The following IFT27 variants were observed in gnomAD, a reference collection of about 807,000 sequenced individuals.
IFT27 encodes the protein intraflagellar transport protein 27 homolog.
A neutral mutation model predicts 23.9 loss-of-function variants in IFT27; 19 were observed. That is an observed-to-expected ratio of 0.79 (90% CI 0.55 to 1.16). The LOEUF (loss-of-function observed/expected upper bound fraction) is 1.16, where lower values mean the gene tolerates loss of function less well. Ranked by LOEUF, IFT27 falls within the 50% of genes most tolerant of loss-of-function variation. IFT27 has a pLI of 0.00. For missense variants in IFT27, 206 were observed against 228.7 expected (o/e 0.90, Z 0.64); for synonymous variants, 91 against 89.1 (o/e 1.02, Z -0.12).
rs773667230 is a variant in IFT27 at position 36,762,866 on chromosome 22, A to C, written c.462+38T>G. ...GCAAGACCGCTGCCAGCAGAGGCCC[A>C]CTCCAGACTTGGCGACGAGGCAAGT... On this transcript the variant is annotated intron_variant, in intron 6 of 6. Coordinates refer to ENST00000433985, the MANE Select transcript of IFT27 (RefSeq NM_001177701.3). The C allele has an allele frequency of 4.4e-5, 61 of 1,387,270 alleles. 1 individual carries two copies. In the Admixed American group the frequency reaches 1.1e-3, roughly 26 times the overall value. 85.9% of individuals were successfully genotyped at this position (1,387,270 alleles called of 1,614,324 possible). A position where few individuals can be genotyped will look rare whatever the true frequency, so the allele number is the denominator to read the frequency against.
intron 1 of IFT27, chr22:36,772,413 G>A: frequency 6.7e-6 from 5 of 747,208 alleles, no homozygotes; most frequent in Non-Finnish European, 8.2e-6. Context: ...GAATTGTTAT[G>A]AGGATTTAAT....
chr22:36,767,938 G>A (rs2054996222), intron 1 of IFT27, 76 bp from the exon 2 acceptor site: 2 of 1,324,182 alleles, frequency 1.5e-6, no homozygotes, highest in African/African-American at 1.4e-5. Context: ...CAGAACATTA[G>A]TCTAGAAACC....
intron 3 of IFT27, 150 bp downstream of exon 3, chr22:36,767,156 T>C: frequency 3.4e-6 from 2 of 593,684 alleles, no homozygotes; most frequent in Non-Finnish European, 6.1e-6. Context: ...GTCCCTCCCT[T>C]GAATGCTTCC....
chr22:36,767,205 A>G, intron 3 of IFT27, 101 bp downstream of exon 3: 2 of 898,366 alleles, frequency 2.2e-6, no homozygotes, highest in Non-Finnish European at 3.6e-6. Context: ...TCTAGACCAC[A>G]GCCTTGCACT....
chr22:36,762,696 G>A (rs1202365340), intron 6 of IFT27: 2 of 410,334 alleles, frequency 4.9e-6, no homozygotes, highest in Non-Finnish European at 8.9e-6. Context: ...CCTTTTCCCA[G>A]GGTTGGCTGG....
At chr22:36,772,619 T>C (rs1276933638) in intron 1 of IFT27, 17 of 985,360 alleles carry the variant, frequency 1.7e-5, no homozygotes, top group Non-Finnish European at 2.0e-5. Flanking sequence ...TGTTAGAACG[T>C]ATCACACGCA....
intron 1 of IFT27, among the ~76,000 whole-genome samples, chr22:36,770,380 CGA>C (rs1938362110): frequency 1.3e-5 from 2 of 152,114 alleles, no homozygotes; most frequent in Admixed American, 1.3e-4. Context: ...CTCTGCCCCC[CGA>C]GTGTGGGCAT....
intron 4 of IFT27, among the ~76,000 whole-genome samples, chr22:36,764,575 T>G (rs997740283): frequency 6.6e-6 from 1 of 152,238 alleles, no homozygotes; most frequent in Non-Finnish European, 1.5e-5. Context: ...TGAAAGAAGA[T>G]TCTTTCTTCA....
intron 5 of IFT27, 31 bp from the exon 6 acceptor site, chr22:36,763,044 C>A: frequency 6.7e-7 from 1 of 1,500,546 alleles, no homozygotes; most frequent in Non-Finnish European, 9.2e-7. Context: ...AAATATGGCA[C>A]TTCACTGTCA....
At chr22:36,767,577 C>T (rs1331844656) in intron 2 of IFT27, among the ~76,000 whole-genome samples, 1 of 152,194 alleles carries the variant, frequency 6.6e-6, no homozygotes, top group Non-Finnish European at 1.5e-5. Context: ...AGCTGCTACA[C>T]GTGGTGGCCA....
chr22:36,767,678 C>T, intron 2 of IFT27, 105 bp downstream of exon 2: 1 of 1,045,578 alleles, frequency 9.6e-7, no homozygotes, highest in Non-Finnish European at 1.5e-6. Flanking sequence ...AGCAGCCTTT[C>T]ATCAGCTGTC....
chr22:36,758,267 A>G lies in IFT27; in HGVS notation c.*44T>C. On this transcript the variant is annotated 3_prime_UTR_variant, in exon 7 of 7. Transcript: ENST00000433985. ...CATTATATATTAAAAGAGCAGAGGT[A>G]ATTCTGTCTTCTCCGGTTGTGCAGC... The G allele has an allele frequency of 7.2e-7, 1 of 1,382,942 alleles. No homozygotes were observed. The highest frequency in any genetic ancestry group is 1.0e-6 in the Non-Finnish European group (1 of 969,806). 85.7% of individuals were successfully genotyped at this position (1,382,942 alleles called of 1,614,324 possible).
Position 36,758,334 on chromosome 22 carries a change from C to T in IFT27, c.538G>A (p.Glu180Lys), listed in dbSNP as rs1937986263. 5 of 1,614,056 alleles carry T rather than the reference C, an allele frequency of 3.1e-6. No individual in the cohort carries two copies. The highest frequency in any genetic ancestry group is 4.2e-6 in the Non-Finnish European group (5 of 1,180,010). Reference protein sequence around the residue: ...QFHQLYREKVEVFRALA With the variant: ...QFHQLYREKVKVFRALA The stretch of plus-strand genomic sequence containing the variant: ...CGTCATGCCAGGGCCCGGAAAACCT[C>T]CACCTTCTCCCGGTACAGCTGGTGG... The change falls in exon 7 of 7, where the codon GAG becomes AAG. Residue 180 changes from glutamate to lysine, a missense_variant. Physicochemically the swap from Glu to Lys is moderately conservative, Grantham distance 56. Coordinates refer to ENST00000433985, the MANE Select transcript of IFT27 (RefSeq NM_001177701.3).
At chr22:36,770,566 C>T (rs1938366018) in intron 1 of IFT27, among the ~76,000 whole-genome samples, 2 of 152,344 alleles carry the variant, frequency 1.3e-5, no homozygotes, top group Middle Eastern at 3.4e-3. Flanking sequence ...CTGTCTACAG[C>T]CAAGCTCCGT....
chr22:36,759,897 T>C (rs1311297541), intron 6 of IFT27: 4 of 152,204 alleles, frequency 2.6e-5, no homozygotes, highest in African/African-American at 9.7e-5. Context: ...CGAGGCCAGC[T>C]GGGATGTGCG....
intron 4 of IFT27, 100 bp downstream of exon 4, chr22:36,766,038 C>T (rs548734183): frequency 6.4e-4 from 621 of 964,348 alleles, no homozygotes; most frequent in Non-Finnish European, 9.7e-4. Flanking sequence ...GGGAGCTTCC[C>T]AACAGCACAG....
Position 36,768,036 on chromosome 22 carries a change from G to C in IFT27, c.35-174C>G, listed in dbSNP as rs1466820906. ...GGGCAGGGCACAGGTCCATGAGACT[G>C]ATCTGCAAACCTCACAACAGCCAGA... is the stretch of plus-strand genomic sequence containing the variant. On this transcript the variant is annotated intron_variant, in intron 1 of 6. Transcript: ENST00000433985. 3 of 709,908 alleles carry C rather than the reference G, an allele frequency of 4.2e-6. No homozygotes were observed. In the Admixed American group the frequency reaches 6.0e-5, roughly 14 times the overall value. 44.0% of individuals were successfully genotyped at this position (709,908 alleles called of 1,614,324 possible).
chr22:36,768,400 C>A (rs1938310676), intron 1 of IFT27: 2 of 283,348 alleles, frequency 7.1e-6, no homozygotes, highest in South Asian at 6.8e-5. Context: ...ATTCTGAAAT[C>A]TCTTTCCAAA....
intron 1 of IFT27, among the ~76,000 whole-genome samples, chr22:36,769,982 C>G (rs1317882527): frequency 6.6e-6 from 1 of 152,218 alleles, no homozygotes; most frequent in African/African-American, 2.4e-5. Flanking sequence ...GGTGAAATAA[C>G]TGATAAACAC....
Sources: allele counts gnomAD v4.1 joint callset (sites outside exome capture counted in the v4.1 genomes callset), GRCh38; gene constraint gnomAD v4.1.1; transcripts MANE v1.5; gene names NCBI Gene and HGNC (gene_info 2026-07-23, HGNC 2026-07-21).